Variants in DAB1 observed in about 807,000 individuals in gnomAD.
DAB1 encodes the protein DAB adaptor protein 1, also known as disabled homolog 1.
A neutral mutation model predicts 64.6 loss-of-function variants in DAB1; 15 were observed. That is an observed-to-expected ratio of 0.23 (90% CI 0.16 to 0.36). The LOEUF is 0.36. DAB1 is among the 10% of genes least tolerant of loss of function. The pLI, the probability that DAB1 is intolerant of heterozygous loss-of-function variation, is 1.00. For synonymous variants in DAB1, 235 were observed against 251.9 expected (o/e 0.93, Z 0.64); for missense variants, 596 against 706.7 (o/e 0.84, Z 1.78).
At chr1:58,405,363 A>C (rs1644606277) in intron 3 of DAB1, among the ~76,000 whole-genome samples, 3 of 151,816 alleles carry the variant, frequency 2.0e-5, no homozygotes. Flanking sequence ...ATAACCTATA[A>C]ATCTATTCTG....
intron 2 of DAB1, among the ~76,000 whole-genome samples, chr1:58,518,581 A>G (rs1418813666): frequency 6.6e-6 from 1 of 151,898 alleles, no homozygotes; most frequent in Non-Finnish European, 1.5e-5. Flanking sequence ...TAGAACTGCC[A>G]GGACTTGGTG....
chr1:57,359,881 A>G (rs1334357329), intron 1 of DAB1, among the ~76,000 whole-genome samples: 2 of 152,030 alleles, frequency 1.3e-5, no homozygotes, highest in Non-Finnish European at 2.9e-5. Flanking sequence ...GGAATCTAAA[A>G]GAGTTGATCT....
At chr1:57,809,267 T>G (rs560366993) in intron 6 of DAB1, among the ~76,000 whole-genome samples, 1 of 152,328 alleles carries the variant, frequency 6.6e-6, no homozygotes, top group South Asian at 2.1e-4. Context: ...CTTTGTTCAT[T>G]ATAGCTTTCC....
At chr1:58,536,129 G>A (rs1425004754) in intron 1 of DAB1, among the ~76,000 whole-genome samples, 1 of 152,076 alleles carries the variant, frequency 6.6e-6, no homozygotes, top group Non-Finnish European at 1.5e-5. Context: ...AAAAGCCTAG[G>A]AGACCTAACC....
chr1:58,421,040 T>G (rs1644766781), intron 3 of DAB1, among the ~76,000 whole-genome samples: 1 of 152,216 alleles, frequency 6.6e-6, no homozygotes, highest in Non-Finnish European at 1.5e-5. Flanking sequence ...ATGTTAACTC[T>G]TATTTCCAGA....
chr1:58,261,061 C>A (rs556865), intron 4 of DAB1, among the ~76,000 whole-genome samples: 1 of 151,954 alleles, frequency 6.6e-6, no homozygotes, highest in Non-Finnish European at 1.5e-5. Flanking sequence ...ATATTTTTCT[C>A]GGGCTTATCA....
chr1:57,311,491 G>A (rs1292414961), intron 1 of DAB1, among the ~76,000 whole-genome samples: 3 of 151,194 alleles, frequency 2.0e-5, no homozygotes, highest in Non-Finnish European at 4.4e-5. Flanking sequence ...TAGAATGATA[G>A]GAGTTGTTCT....
intron 5 of DAB1, among the ~76,000 whole-genome samples, chr1:58,072,635 T>G (rs1649349060): frequency 6.6e-6 from 1 of 152,208 alleles, no homozygotes; most frequent in Non-Finnish European, 1.5e-5. Context: ...CCTGTCTCAT[T>G]TTTTGAGATG....
chr1:57,374,361 A>T (rs1387223567), intron 1 of DAB1, among the ~76,000 whole-genome samples: 1 of 152,252 alleles, frequency 6.6e-6, no homozygotes, highest in Non-Finnish European at 1.5e-5. Flanking sequence ...AATCAAGAAC[A>T]TGTAAACTTT....
At chr1:57,240,697 G>A (rs928887273) in intron 2 of DAB1, among the ~76,000 whole-genome samples, 2 of 152,120 alleles carry the variant, frequency 1.3e-5, no homozygotes, top group African/African-American at 2.4e-5. Context: ...GATGAACATG[G>A]GCTAGAATGA....
chr1:58,053,235 G>T (rs1254319417), intron 5 of DAB1, among the ~76,000 whole-genome samples: 1 of 152,108 alleles, frequency 6.6e-6, no homozygotes, highest in African/African-American at 2.4e-5. Flanking sequence ...CTTTTGTGTA[G>T]CTATGAAGGA....
rs140230968 is a variant in DAB1 at position 57,351,860 on chromosome 1, C to T, written c.-136-60694G>A. On this transcript the variant is annotated intron_variant, in intron 1 of 14. Coordinates refer to ENST00000371236, the MANE Select transcript of DAB1 (RefSeq NM_001365792.1). ...CCACACATGTTTATTTGTCATTTCT[C>T]CCTGCTCAGAAATAACTACCCAACT... Among the ~76,000 whole-genome samples the T allele has an allele frequency of 4.9e-3, 745 of 152,216 alleles. 16 individuals are homozygous for T. The highest frequency in any genetic ancestry group is 0.016 in the East Asian group (84 of 5,172).
rs537944636 is a variant in DAB1, at chr1:57,316,573, G to T, written c.-136-25407C>A. On this transcript the variant is annotated intron_variant, in intron 1 of 14. Transcript: ENST00000371236. Reference sequence around the variant, plus strand: ...CCAGGGGGTCAGTCAGAGCTCAGCTGCCCACAAGCTCTCAGGTGGCCTACC... The same window carrying T: ...CCAGGGGGTCAGTCAGAGCTCAGCTTCCCACAAGCTCTCAGGTGGCCTACC... Among the ~76,000 whole-genome samples the T allele has an allele frequency of 2.0e-5, 3 of 152,204 alleles. No individual in the cohort carries two copies. The East Asian group carries it at 5.8e-4, about 29-fold the overall frequency.
intron 7 of DAB1, among the ~76,000 whole-genome samples, chr1:57,588,273 AC>A (rs1347681856): frequency 6.6e-6 from 1 of 152,108 alleles, no homozygotes; most frequent in Non-Finnish European, 1.5e-5. Flanking sequence ...CTTAGACAGC[AC>A]CCCCCTACCA....
intron 1 of DAB1, among the ~76,000 whole-genome samples, chr1:57,370,426 C>T (rs986230368): frequency 1.8e-4 from 28 of 152,156 alleles, no homozygotes; most frequent in Admixed American, 1.6e-3. Context: ...CCACTGTTTA[C>T]TCATAAAGTG....
At chr1:57,260,700 C>T (rs577644401) in intron 2 of DAB1, among the ~76,000 whole-genome samples, 3 of 152,258 alleles carry the variant, frequency 2.0e-5, no homozygotes, top group East Asian at 1.9e-4. Flanking sequence ...AGGGGACTCA[C>T]CTAAGGTCAC....
intron 7 of DAB1, among the ~76,000 whole-genome samples, chr1:57,628,961 G>C (rs917750895): frequency 6.6e-6 from 1 of 152,180 alleles, no homozygotes; most frequent in African/African-American, 2.4e-5. Context: ...TCCAAGCATT[G>C]AATGCACATT....
intron 6 of DAB1, among the ~76,000 whole-genome samples, chr1:57,819,382 A>G (rs1447451673): frequency 6.6e-6 from 1 of 152,198 alleles, no homozygotes; most frequent in Non-Finnish European, 1.5e-5. Context: ...ATCAAACAGT[A>G]TGTGCTCTTT....
intron 6 of DAB1, among the ~76,000 whole-genome samples, chr1:57,807,763 C>T (rs1366922679): frequency 6.6e-6 from 1 of 152,094 alleles, no homozygotes; most frequent in Non-Finnish European, 1.5e-5. Flanking sequence ...TCTTCTTCCT[C>T]AAACACCCCT....
Sources: gnomAD v4.1 joint callset for allele counts (sites outside exome capture counted in the v4.1 genomes callset) on GRCh38, gnomAD v4.1.1 for gene constraint, MANE v1.5 for transcripts, NCBI Gene and HGNC (gene_info 2026-07-23, HGNC 2026-07-21) for gene names.